Variants in ART3 observed in about 807,000 individuals in gnomAD.
ART3 encodes the protein ecto-ADP-ribosyltransferase 3.
Under a neutral mutation model 48.5 loss-of-function variants are expected in ART3, and 49 were observed. The observed-to-expected ratio is 1.01, with a 90% confidence interval of 0.80 to 1.28. The LOEUF (loss-of-function observed/expected upper bound fraction) is 1.28. Ranked by LOEUF, ART3 falls within the 50% of genes most tolerant of loss-of-function variation. ART3 has a pLI of 0.00. For missense variants in ART3, 438 were observed against 454.3 expected (o/e 0.96, Z 0.33); for synonymous variants, 145 against 157.2 (o/e 0.92, Z 0.58).
intron 1 of ART3, among the ~76,000 whole-genome samples, chr4:76,063,597 C>T (rs531028345): frequency 1.3e-5 from 2 of 152,176 alleles, no homozygotes; most frequent in East Asian, 1.9e-4. Flanking sequence ...AAGGTCTCTC[C>T]GGTTGTGCCA....
chr4:76,022,829 G>C, intron 1 of ART3: 2 of 1,604,936 alleles, frequency 1.2e-6, no homozygotes, highest in African/African-American at 2.7e-5. Flanking sequence ...TGTAGGAAAA[G>C]AGGAACAGCA....
At chr4:76,111,010 G>A (rs974709678) in intron 11 of ART3, among the ~76,000 whole-genome samples, 1 of 152,214 alleles carries the variant, frequency 6.6e-6, no homozygotes. Flanking sequence ...CAAAAGAAAC[G>A]TAAATGTAAA....
chr4:76,038,690 C>T (rs1190978490), intron 1 of ART3, among the ~76,000 whole-genome samples: 2 of 151,090 alleles, frequency 1.3e-5, no homozygotes, highest in South Asian at 2.1e-4. Context: ...TTCAAATCCA[C>T]CCTTGATTAT....
At position 76,112,724 on chromosome 4, in the gene ART3, A is replaced by G. The variant is rs113383314; in HGVS notation, c.*205A>G. 5.8e-5 allele frequency: 26 copies of G among 447,498 alleles called. No homozygotes were observed. Among genetic ancestry groups the G allele is most frequent in the Middle Eastern group, 6.0e-4 (1 of 1,660 alleles). 27.7% of individuals were successfully genotyped at this position (447,498 alleles called of 1,614,324 possible). A position where few individuals can be genotyped will look rare whatever the true frequency, so the allele number is the denominator to read the frequency against. On this transcript the variant is annotated 3_prime_UTR_variant, in exon 12 of 12. Coordinates refer to ENST00000355810, the MANE Select transcript of ART3 (RefSeq NM_001130016.3). ...CTTTTCACTTGTATACTACTCTTAC[A>G]ATGGAAAAAAATCCCGAAAACTGTA...
At chr4:76,101,491 G>C (rs1393785241) in intron 8 of ART3, among the ~76,000 whole-genome samples, 1 of 152,172 alleles carries the variant, frequency 6.6e-6, no homozygotes, top group African/African-American at 2.4e-5. Flanking sequence ...CAAATGGCCG[G>C]GCGGGGTGGC....
chr4:76,021,934 G>A, intron 1 of ART3: 1 of 1,611,880 alleles, frequency 6.2e-7, no homozygotes, highest in Non-Finnish European at 8.5e-7. Context: ...CTGGTTTTAA[G>A]GAGATCTTTT....
chr4:76,086,813 G>A (rs1337608878), intron 3 of ART3, among the ~76,000 whole-genome samples: 2 of 152,244 alleles, frequency 1.3e-5, no homozygotes, highest in African/African-American at 4.8e-5. Context: ...CAGTTTAGAC[G>A]AGCTCATGGG....
chr4:76,085,967 G>A (rs981871942), intron 3 of ART3, among the ~76,000 whole-genome samples: 2 of 152,060 alleles, frequency 1.3e-5, no homozygotes, highest in African/African-American at 4.8e-5. Context: ...AGCTACTTAG[G>A]AGGCTGAGAC....
intron 1 of ART3, among the ~76,000 whole-genome samples, chr4:76,059,882 A>G (rs1475912142): frequency 6.6e-6 from 1 of 152,202 alleles, no homozygotes. Flanking sequence ...TATAAGTTAG[A>G]TATGTAACAC....
At chr4:76,051,888 C>G in intron 1 of ART3, among the ~76,000 whole-genome samples, 1 of 124,064 alleles carries the variant, frequency 8.1e-6, no homozygotes, top group Non-Finnish European at 1.6e-5. Context: ...TGTTGTATCT[C>G]TCTCTCTCTC....
rs773396312 is a variant in ART3 at position 76,103,930 on chromosome 4, C to T, written c.938-7C>T. Reference sequence around the variant, plus strand: ...TAATACAAACCAATATTTATTTCTGCCTTTAGGTGTGAAAATCCTTGAACC... The same window carrying T: ...TAATACAAACCAATATTTATTTCTGTCTTTAGGTGTGAAAATCCTTGAACC... On this transcript the variant is annotated splice_region_variant and splice_polypyrimidine_tract_variant and intron_variant, in intron 8 of 11. Transcript: ENST00000355810. The T allele has an allele frequency of 2.4e-5, 38 of 1,611,930 alleles. No individual in the cohort carries two copies. In the Admixed American group the frequency reaches 6.3e-4, roughly 27 times the overall value.
chr4:76,022,771 A>T, intron 1 of ART3: 13 of 1,613,194 alleles, frequency 8.1e-6, no homozygotes, highest in Non-Finnish European at 1.1e-5. Context: ...CAGGTTGATT[A>T]CTAATGCTGA....
At chr4:76,104,488 T>C in intron 9 of ART3, 109 bp from the exon 10 acceptor site, 1 of 1,518,098 alleles carries the variant, frequency 6.6e-7, no homozygotes, top group Non-Finnish European at 8.8e-7. Context: ...GAAACTATAG[T>C]GCATTGGGGC....
rs563307957 is a variant in ART3 at position 76,084,306 on chromosome 4, G to A, written c.781+1771G>A. 6.6e-5 allele frequency among the ~76,000 whole-genome samples: 10 copies of A among 152,242 alleles called. No individual in the cohort carries two copies. In the South Asian group the frequency reaches 1.5e-3, roughly 22 times the overall value. ...TACTTTGTTTGGTGTGGTGGGGATGGGGGTTCTGCAGAAGTTTCGGAGAAA... is the reference window on the plus strand; with the variant it reads ...TACTTTGTTTGGTGTGGTGGGGATGAGGGTTCTGCAGAAGTTTCGGAGAAA... On this transcript the variant is annotated intron_variant, in intron 3 of 11. Coordinates refer to ENST00000355810, the MANE Select transcript of ART3 (RefSeq NM_001130016.3).
At chr4:76,093,031 A>G (rs534127356) in intron 3 of ART3, among the ~76,000 whole-genome samples, 56 of 152,108 alleles carry the variant, frequency 3.7e-4, no homozygotes, top group Non-Finnish European at 7.1e-4. Context: ...CCTTCCCAGG[A>G]GCTTAGGCAA....
At chr4:76,075,838 T>C in intron 1 of ART3, 43 bp from the exon 2 acceptor site, 2 of 1,501,464 alleles carry the variant, frequency 1.3e-6, no homozygotes, top group Non-Finnish European at 1.8e-6. Context: ...CCTACACCTC[T>C]TTTTTGAGTC....
At position 76,049,240 on chromosome 4, in the gene ART3, G is replaced by A. The variant is rs537012475; in HGVS notation, c.-9-26641G>A. Among the ~76,000 whole-genome samples, 5 of 152,064 alleles carry A rather than the reference G, an allele frequency of 3.3e-5. No homozygotes were observed. In the South Asian group the frequency reaches 1.0e-3, roughly 32 times the overall value. ...GAAACTAGAAAAGCACCAGGGACAG[G>A]TAGCAATTTTTAGAAGTGGGTCTAA... On this transcript the variant is annotated intron_variant, in intron 1 of 9. Coordinates refer to the ART3 transcript ENST00000341029.
intron 2 of ART3, among the ~76,000 whole-genome samples, chr4:76,079,916 T>TCACA (rs373509112): frequency 0.085 from 12,544 of 147,506 alleles, 538 homozygotes; most frequent in South Asian, 0.15. Flanking sequence ...TCTCTCTCTC[T>TCACA]CTCACACACA....
chr4:76,092,042 C>T (rs572880758), intron 3 of ART3, among the ~76,000 whole-genome samples: 6 of 152,094 alleles, frequency 3.9e-5, no homozygotes, highest in Non-Finnish European at 8.8e-5. Flanking sequence ...AACCTCAAAA[C>T]CAGGTAGTGT....
Sources: gnomAD v4.1 joint callset for allele counts (sites outside exome capture counted in the v4.1 genomes callset) on GRCh38, gnomAD v4.1.1 for gene constraint, MANE v1.5 for transcripts, NCBI Gene and HGNC (gene_info 2026-07-23, HGNC 2026-07-21) for gene names.